Variants in CADPS2 observed in about 807,000 individuals in gnomAD.
CADPS2 encodes calcium dependent secretion activator 2.
CADPS2 carries 93 observed loss-of-function variants against 172.5 expected under a neutral mutation model. The ratio of observed to expected loss-of-function variants is 0.54; its 90% CI spans 0.46 to 0.64. The LOEUF is 0.64. CADPS2 is among the 30% of genes least tolerant of loss of function. CADPS2 has a pLI of 0.00. For missense variants in CADPS2, 1,420 were observed against 1,565.9 expected (o/e 0.91, Z 1.57); for synonymous variants, 546 against 555.2 (o/e 0.98, Z 0.23).
Position 122,759,001 on chromosome 7 carries a change from GA to G in CADPS2, c.340-21934del, listed in dbSNP as rs398040103. Among the ~76,000 whole-genome samples the G allele has an allele frequency of 7.6e-4, 110 of 144,732 alleles. 1 individual carries two copies. The East Asian group carries it at 0.011, about 14-fold the overall frequency. The allele number at this position is 144,732 out of a possible 152,430, so 94.9% of individuals were successfully genotyped here. A position where few individuals can be genotyped will look rare whatever the true frequency, so the allele number is the denominator to read the frequency against. ...GCATCCTAGGATTTTCTTATTTCAG[GA>G]AAAAAAAAAAAATTAAAGGTCCTTA... On this transcript the variant is annotated intron_variant, in intron 1 of 29. Coordinates refer to ENST00000449022, the MANE Select transcript of CADPS2 (RefSeq NM_017954.11).
At chr7:122,331,781 A>C (rs1478419945) in intron 28 of CADPS2, 1 of 152,228 alleles carries the variant, frequency 6.6e-6, no homozygotes, top group Non-Finnish European at 1.5e-5. Context: ...AGATTAAGCA[A>C]TTTACTTATT....
chr7:122,866,436 A>C (rs920519604), intron 1 of CADPS2, among the ~76,000 whole-genome samples: 2 of 152,128 alleles, frequency 1.3e-5, no homozygotes, highest in Non-Finnish European at 2.9e-5. Flanking sequence ...GCAGTGGCTC[A>C]GACCTTGTAA....
At position 122,531,652 on chromosome 7, in the gene CADPS2, C is replaced by A. The variant is rs140056297; in HGVS notation, c.1476-18337G>T. On this transcript the variant is annotated intron_variant, in intron 8 of 29. Transcript: ENST00000449022. ...ATAACGATTGGTTTCCTAATTGCTT[C>A]AAAGAATTATCCAGAGGATCAAATG... Among the ~76,000 whole-genome samples, 20 of 152,230 alleles carry A rather than the reference C, an allele frequency of 1.3e-4. No individual in the cohort carries two copies. In the East Asian group the frequency reaches 3.5e-3, roughly 27 times the overall value.
At chr7:122,541,839 TTATATATTCATATATATTTA>T (rs1313628279) in intron 8 of CADPS2, among the ~76,000 whole-genome samples, 972 of 65,052 alleles carry the variant, frequency 0.015, 8 homozygotes, top group Middle Eastern at 0.034. Flanking sequence ...ATTCATATGT[TTATATATTCATATATATTTA>T]TATATATGCA....
chr7:122,807,592 G>C (rs1321333627), intron 1 of CADPS2, among the ~76,000 whole-genome samples: 1 of 152,196 alleles, frequency 6.6e-6, no homozygotes, highest in East Asian at 1.9e-4. Flanking sequence ...AAATGCCACA[G>C]ACTGGGTGGC....
intron 25 of CADPS2, among the ~76,000 whole-genome samples, chr7:122,376,686 A>G (rs2042398516): frequency 6.6e-6 from 1 of 152,162 alleles, no homozygotes; most frequent in Non-Finnish European, 1.5e-5. Flanking sequence ...CTATTTGCTA[A>G]GAGGATTGAT....
chr7:122,861,694 G>A (rs926619752), intron 1 of CADPS2, among the ~76,000 whole-genome samples: 2 of 152,142 alleles, frequency 1.3e-5, no homozygotes, highest in African/African-American at 4.8e-5. Context: ...TCACCACAAA[G>A]AAATAACAAG....
chr7:122,568,676 T>C (rs2066789556), intron 7 of CADPS2, among the ~76,000 whole-genome samples: 1 of 152,070 alleles, frequency 6.6e-6, no homozygotes, highest in Non-Finnish European at 1.5e-5. Context: ...TAGCTCTAGA[T>C]CTGAAAATTA....
chr7:122,395,742 T>C (rs1563229552), intron 20 of CADPS2, among the ~76,000 whole-genome samples: 1 of 152,174 alleles, frequency 6.6e-6, no homozygotes, highest in Non-Finnish European at 1.5e-5. Context: ...CCAAGCACTA[T>C]GTGAAGTCCT....
intron 2 of CADPS2, among the ~76,000 whole-genome samples, chr7:122,725,722 A>G (rs1386073910): frequency 6.6e-6 from 1 of 151,812 alleles, no homozygotes; most frequent in Non-Finnish European, 1.5e-5. Context: ...TGAGCCCAGG[A>G]GTTTGAGGCT....
chr7:122,567,248 TC>T (rs1188258333), intron 7 of CADPS2, among the ~76,000 whole-genome samples: 1 of 152,166 alleles, frequency 6.6e-6, no homozygotes, highest in Non-Finnish European at 1.5e-5. Flanking sequence ...AATTTCAGTT[TC>T]ACTGACTTAG....
At chr7:122,729,414 T>C in intron 2 of CADPS2, among the ~76,000 whole-genome samples, 1 of 151,792 alleles carries the variant, frequency 6.6e-6, no homozygotes, top group East Asian at 1.9e-4. Context: ...TTATGGTATT[T>C]CTATTTTTAA....
Position 122,784,716 on chromosome 7 carries a change from AT to A in CADPS2, c.340-47649del, listed in dbSNP as rs144202363. Among the ~76,000 whole-genome samples the A allele has an allele frequency of 6.7e-5, 10 of 149,274 alleles. No individual in the cohort carries two copies. In the South Asian group the frequency reaches 8.5e-4, roughly 13 times the overall value. ...ATCCTTTTCTTAAGGTAACTTTAGT[AT>A]TTTTTTTTTCTGGAGCCATCTGTAT... On this transcript the variant is annotated intron_variant, in intron 1 of 29. Coordinates refer to ENST00000449022, the MANE Select transcript of CADPS2 (RefSeq NM_017954.11).
rs76158888 is a variant in CADPS2 at position 122,831,548 on chromosome 7, T to A, written c.339+54451A>T. Among the ~76,000 whole-genome samples, 1,246 of 152,356 alleles carry A rather than the reference T, an allele frequency of 8.2e-3. 21 individuals carry two copies. The highest frequency in any genetic ancestry group is 0.028 in the African/African-American group (1,179 of 41,588). On this transcript the variant is annotated intron_variant, in intron 1 of 29. Transcript: ENST00000449022. ...GGGGAAGTACTTCAATAATTCTTCC[T>A]GGAGGAGGGAAAGAATTGCTGTTTC...
chr7:122,569,246 C>CA lies in CADPS2; in HGVS notation c.1335+11932dup, dbSNP rs756506054. ...TTCTTATACACCAATAACAGACAAA[C>CA]AGAGAGCCAAATCATGAGTGAACTC... On this transcript the variant is annotated intron_variant, in intron 7 of 29. Transcript: ENST00000449022. Among the ~76,000 whole-genome samples the CA allele has an allele frequency of 4.6e-5, 7 of 152,050 alleles. No individual in the cohort carries two copies. The East Asian group carries it at 7.7e-4, about 17-fold the overall frequency.
intron 1 of CADPS2, among the ~76,000 whole-genome samples, chr7:122,867,583 G>A (rs1818639803): frequency 6.6e-6 from 1 of 152,206 alleles, no homozygotes; most frequent in Non-Finnish European, 1.5e-5. Context: ...GAATGGCAGG[G>A]AGAGGGCATC....
intron 1 of CADPS2, among the ~76,000 whole-genome samples, chr7:122,813,572 G>A (rs949969381): frequency 6.6e-6 from 1 of 151,994 alleles, no homozygotes; most frequent in African/African-American, 2.4e-5. Flanking sequence ...TTCAAATGCA[G>A]AAATGTTCTT....
At chr7:122,569,362 C>T (rs1312775604) in intron 7 of CADPS2, among the ~76,000 whole-genome samples, 1 of 151,960 alleles carries the variant, frequency 6.6e-6, no homozygotes, top group Admixed American at 6.6e-5. Context: ...CTACAAACCA[C>T]TGCTCAAGGA....
intron 12 of CADPS2, among the ~76,000 whole-genome samples, chr7:122,477,320 C>T (rs892311284): frequency 6.6e-6 from 1 of 151,834 alleles, no homozygotes; most frequent in African/African-American, 2.4e-5. Context: ...CGAGACCAGC[C>T]TGACCAACAT....
Sources: allele counts gnomAD v4.1 joint callset (sites outside exome capture counted in the v4.1 genomes callset), GRCh38; gene constraint gnomAD v4.1.1; transcripts MANE v1.5; gene names NCBI Gene and HGNC (gene_info 2026-07-23, HGNC 2026-07-21).